The following SPIRE1 variants were observed in gnomAD, a reference collection of about 807,000 sequenced individuals.
SPIRE1 encodes the protein protein spire homolog 1.
A neutral mutation model predicts 94.1 loss-of-function variants in SPIRE1; 40 were observed. The observed-to-expected ratio is 0.43, with a 90% CI of 0.33 to 0.55. The LOEUF (loss-of-function observed/expected upper bound fraction) is 0.55. Ranked by LOEUF, SPIRE1 falls within the 20% of genes least tolerant of loss-of-function variation. The pLI is 0.06. For missense variants in SPIRE1, 838 were observed against 975.2 expected (o/e 0.86, Z 1.87); for synonymous variants, 376 against 371.7 (o/e 1.01, Z -0.13).
chr18:12,658,712 G>C (rs2038632976), upstream of SPIRE1: 1 of 421,872 alleles, frequency 2.4e-6, no homozygotes, highest in Non-Finnish European at 5.0e-6. Flanking sequence ...CCCCGCGGCC[G>C]CTCTGCGCGT....
intron 16 of SPIRE1, chr18:12,450,619 T>C (rs2031186199): frequency 3.5e-6 from 2 of 575,610 alleles, no homozygotes; most frequent in Admixed American, 2.6e-5. Flanking sequence ...AAGAGAAGTC[T>C]AAATTTGATG....
upstream of SPIRE1, among the ~76,000 whole-genome samples, chr18:12,660,043 C>G (rs1197169904): frequency 2.0e-5 from 3 of 152,194 alleles, no homozygotes; most frequent in Non-Finnish European, 4.4e-5. Flanking sequence ...ACTACCACCT[C>G]CTGGCCTTAT....
At chr18:12,461,055 G>A (rs2031774858) in intron 12 of SPIRE1, among the ~76,000 whole-genome samples, 1 of 152,052 alleles carries the variant, frequency 6.6e-6, no homozygotes, top group Admixed American at 6.6e-5. Flanking sequence ...TTGCAAGTTA[G>A]TTTATCTTGC....
At chr18:12,552,881 T>C (rs1329147004) in intron 2 of SPIRE1, among the ~76,000 whole-genome samples, 1 of 152,124 alleles carries the variant, frequency 6.6e-6, no homozygotes, top group East Asian at 1.9e-4. Context: ...TGAGGGGTTT[T>C]GTCTGCGGCT....
chr18:12,518,275 G>A (rs1341547773), intron 4 of SPIRE1, among the ~76,000 whole-genome samples: 1 of 152,192 alleles, frequency 6.6e-6, no homozygotes, highest in Admixed American at 6.5e-5. Flanking sequence ...GTCCCAAAGT[G>A]CTGGGATTAT....
chr18:12,581,923 A>T (rs1479648360), intron 2 of SPIRE1, among the ~76,000 whole-genome samples: 2 of 152,190 alleles, frequency 1.3e-5, no homozygotes, highest in African/African-American at 4.8e-5. Context: ...AACACAGACA[A>T]CAAGAAACTT....
At chr18:12,492,000 G>A (rs73403744) in intron 8 of SPIRE1, among the ~76,000 whole-genome samples, 1,698 of 152,336 alleles carry the variant, frequency 0.011, 36 homozygotes, top group African/African-American at 0.039. Context: ...GGAGAGACAG[G>A]ATGAGTTCAC....
chr18:12,497,565 C>G (rs2033504493), intron 6 of SPIRE1, among the ~76,000 whole-genome samples: 1 of 152,096 alleles, frequency 6.6e-6, no homozygotes. Context: ...CTAGTCCTCC[C>G]TCTCCCCCAG....
chr18:12,472,647 G>A (rs2032405893), intron 10 of SPIRE1, among the ~76,000 whole-genome samples: 1 of 150,762 alleles, frequency 6.6e-6, no homozygotes, highest in Non-Finnish European at 1.5e-5. Flanking sequence ...GGGATTACAG[G>A]TGTGAGTCAC....
intron 10 of SPIRE1, among the ~76,000 whole-genome samples, chr18:12,473,655 AAC>A (rs1269068114): frequency 2.0e-5 from 3 of 152,232 alleles, no homozygotes; most frequent in Non-Finnish European, 4.4e-5. Context: ...TTTTATATAA[AAC>A]AGTTGAGTTT....
intron 12 of SPIRE1, among the ~76,000 whole-genome samples, chr18:12,462,158 T>C (rs554866325): frequency 4.4e-4 from 67 of 152,312 alleles, no homozygotes; most frequent in African/African-American, 1.6e-3. Context: ...ATAAAATCAT[T>C]AGTTCTTTAA....
intron 4 of SPIRE1, among the ~76,000 whole-genome samples, chr18:12,524,482 G>GA (rs148211954): frequency 2.6e-5 from 4 of 152,270 alleles, no homozygotes; most frequent in Admixed American, 1.3e-4. Context: ...CTGATGGGGG[G>GA]AAAAATGTTT....
At chr18:12,555,005 T>G (rs1175530154) in intron 2 of SPIRE1, among the ~76,000 whole-genome samples, 2 of 152,226 alleles carry the variant, frequency 1.3e-5, no homozygotes, top group Non-Finnish European at 2.9e-5. Context: ...CCACCCATCA[T>G]GATTGCCTAA....
intron 1 of SPIRE1, among the ~76,000 whole-genome samples, chr18:12,650,115 T>C (rs1238834596): frequency 2.0e-5 from 3 of 152,172 alleles, no homozygotes; most frequent in Non-Finnish European, 4.4e-5. Context: ...GGCATGTGCA[T>C]GTAATCCCAG....
At chr18:12,622,489 C>A (rs1159659384) in intron 2 of SPIRE1, among the ~76,000 whole-genome samples, 2 of 141,728 alleles carry the variant, frequency 1.4e-5, no homozygotes, top group Non-Finnish European at 3.0e-5. Context: ...GTGGCGCGAT[C>A]TTGGCTCACT....
At chr18:12,648,590 A>G (rs1170075808) in intron 1 of SPIRE1, among the ~76,000 whole-genome samples, 1 of 152,112 alleles carries the variant, frequency 6.6e-6, no homozygotes, top group Non-Finnish European at 1.5e-5. Flanking sequence ...GATTTCTGCA[A>G]TAGAAAAAGG....
At chr18:12,499,036 A>C (rs1234202882) in intron 6 of SPIRE1, among the ~76,000 whole-genome samples, 1 of 152,186 alleles carries the variant, frequency 6.6e-6, no homozygotes, top group Non-Finnish European at 1.5e-5. Flanking sequence ...AAAGGGTTGG[A>C]TTGCAGGCAT....
chr18:12,612,056 T>C (rs1421425485), intron 2 of SPIRE1, among the ~76,000 whole-genome samples: 1 of 151,982 alleles, frequency 6.6e-6, no homozygotes, highest in African/African-American at 2.4e-5. Flanking sequence ...ATTCACTATC[T>C]CTGATTTCTC....
chr18:12,645,032 G>A (rs1256443772), intron 1 of SPIRE1, among the ~76,000 whole-genome samples: 3 of 151,674 alleles, frequency 2.0e-5, no homozygotes, highest in African/African-American at 7.3e-5. Context: ...GATGTCTTGA[G>A]CCCAGGAGTT....
Sources: allele counts gnomAD v4.1 joint callset (sites outside exome capture counted in the v4.1 genomes callset), GRCh38; gene constraint gnomAD v4.1.1; transcripts MANE v1.5; gene names NCBI Gene and HGNC (gene_info 2026-07-23, HGNC 2026-07-21).